Variants in COX7A2 observed in about 807,000 individuals in gnomAD.
COX7A2 encodes the protein cytochrome c oxidase subunit 7A2, also known as cytochrome c oxidase subunit 7A2, mitochondrial.
COX7A2 carries 11 observed loss-of-function variants against 11.6 expected under a neutral mutation model. The observed-to-expected ratio is 0.95, with a 90% CI of 0.60 to 1.57. The LOEUF is 1.57. COX7A2 is among the 40% of genes most tolerant of loss of function. The probability of loss-of-function intolerance (pLI) is 0.00; values close to 1 mark genes in which losing one functional copy is unlikely to be tolerated. For missense variants in COX7A2, 106 were observed against 100.9 expected, an observed-to-expected ratio of 1.05 and a Z score of -0.22; for synonymous variants, 30 against 38.2, an observed-to-expected ratio of 0.78 and a Z score of 0.79.
At chr6:75,247,134 T>C (rs980046383), upstream of COX7A2, among the ~76,000 whole-genome samples, 1 of 152,208 alleles carries the variant, frequency 6.6e-6, no homozygotes, top group Non-Finnish European at 1.5e-5. Flanking sequence ...AAGATGGACA[T>C]CAGATGCGAA....
intron 2 of COX7A2, chr6:75,240,750 G>C (rs1191770371): frequency 2.2e-5 from 2 of 89,666 alleles, no homozygotes; most frequent in African/African-American, 8.4e-5. Flanking sequence ...TTTAGTCATA[G>C]GAAACTTTTT....
At chr6:75,247,916 C>T (rs182436803), upstream of COX7A2, among the ~76,000 whole-genome samples, 4 of 152,162 alleles carry the variant, frequency 2.6e-5, no homozygotes, top group South Asian at 4.1e-4. Context: ...GGGAAAAATC[C>T]GCATTCTATA....
intron 1 of COX7A2, among the ~76,000 whole-genome samples, chr6:75,242,519 A>T (rs1353508798): frequency 6.6e-6 from 1 of 151,808 alleles, no homozygotes; most frequent in Non-Finnish European, 1.5e-5. Context: ...AAATAAAAAT[A>T]AAAAATAAAA....
At position 75,238,347 on chromosome 6, in the gene COX7A2, TC is replaced by T. The variant is rs140371461; in HGVS notation, c.194-360del. 9.1e-4 allele frequency among the ~76,000 whole-genome samples: 138 copies of T among 151,950 alleles called. 2 individuals are homozygous for T. In the East Asian group the frequency reaches 0.026, roughly 29 times the overall value. Reference sequence around the variant, plus strand: ...AAAAGAGTTCAAAATATGCAAGCCTTCCCTAAAGTGAATGTAAAAAAAAAGA... The same window carrying T: ...AAAAGAGTTCAAAATATGCAAGCCTTCCTAAAGTGAATGTAAAAAAAAAGA... On this transcript the variant is annotated intron_variant, in intron 3 of 3. Transcript: ENST00000684430.
chr6:75,239,179 T>G (rs778836536), intron 3 of COX7A2, among the ~76,000 whole-genome samples: 105 of 152,242 alleles, frequency 6.9e-4, no homozygotes, highest in Non-Finnish European at 6.8e-4. Context: ...AACCCCAACT[T>G]AAAGCCAGTC....
chr6:75,244,399 G>T (rs887843131), upstream of COX7A2, among the ~76,000 whole-genome samples: 9 of 152,172 alleles, frequency 5.9e-5, no homozygotes, highest in Non-Finnish European at 1.2e-4. Context: ...TGTGGAAGAG[G>T]CTCGCTCGCT....
At chr6:75,238,298 A>G (rs1178345630) in intron 3 of COX7A2, among the ~76,000 whole-genome samples, 3 of 152,134 alleles carry the variant, frequency 2.0e-5, no homozygotes, top group Non-Finnish European at 4.4e-5. Context: ...GAGAAATGCT[A>G]AGGATGATTA....
upstream of COX7A2, among the ~76,000 whole-genome samples, chr6:75,247,142 G>C (rs181578205): frequency 6.6e-6 from 1 of 152,194 alleles, no homozygotes; most frequent in Non-Finnish European, 1.5e-5. Flanking sequence ...CATCAGATGC[G>C]AAAGTACTAA....
At chr6:75,242,663 T>C (rs1443800606) in intron 1 of COX7A2, among the ~76,000 whole-genome samples, 1 of 151,422 alleles carries the variant, frequency 6.6e-6, no homozygotes, top group Non-Finnish European at 1.5e-5. Flanking sequence ...CTATTAATAA[T>C]ACAAAAATTA....
At chr6:75,243,854 C>T (rs376865645), upstream of COX7A2, 46 of 1,606,274 alleles carry the variant, frequency 2.9e-5, no homozygotes, top group East Asian at 4.5e-5. Context: ...TCTTTCCGGG[C>T]CGAAGAGAGG....
At chr6:75,246,210 C>G (rs148627773), upstream of COX7A2, among the ~76,000 whole-genome samples, 1 of 152,354 alleles carries the variant, frequency 6.6e-6, no homozygotes, top group East Asian at 1.9e-4. Context: ...ACATCTCCAC[C>G]TAGATGGCTA....
At chr6:75,244,548 C>CAGAAA (rs1771638890), upstream of COX7A2, among the ~76,000 whole-genome samples, 2 of 152,092 alleles carry the variant, frequency 1.3e-5, no homozygotes, top group Non-Finnish European at 2.9e-5. Flanking sequence ...GAAAGGCTGT[C>CAGAAA]GGTGTCATCC....
chr6:75,248,695 G>A (rs1318851113), upstream of COX7A2, among the ~76,000 whole-genome samples: 3 of 123,326 alleles, frequency 2.4e-5, no homozygotes, highest in African/African-American at 8.7e-5. Flanking sequence ...ATATTTTATA[G>A]AGTTTGACTC....
chr6:75,242,344 A>G (rs1290555983), intron 1 of COX7A2, among the ~76,000 whole-genome samples: 5 of 152,052 alleles, frequency 3.3e-5, no homozygotes, highest in Non-Finnish European at 7.4e-5. Flanking sequence ...CGTCTCTACT[A>G]GAAACACAAA....
chr6:75,245,683 C>T (rs1038429030), upstream of COX7A2, among the ~76,000 whole-genome samples: 7 of 152,064 alleles, frequency 4.6e-5, no homozygotes, highest in Non-Finnish European at 1.0e-4. Context: ...TTATACTTGT[C>T]TCTCCTTCTC....
At chr6:75,250,040 AG>A (rs11300567) in intron 1 of COX7A2, 134,328 of 152,192 alleles carry the variant, frequency 0.88, 59,847 homozygotes, top group Non-Finnish European at 0.95. Flanking sequence ...GAAGAGAGCT[AG>A]GGTTTCTGGC....
At chr6:75,239,572 G>A (rs1771426295) in intron 3 of COX7A2, among the ~76,000 whole-genome samples, 1 of 152,198 alleles carries the variant, frequency 6.6e-6, no homozygotes, top group South Asian at 2.1e-4. Context: ...ACCTTCCAGT[G>A]GAAGTATTGT....
At chr6:75,241,369 G>T in intron 1 of COX7A2, 104 bp from the exon 2 acceptor site, 1 of 1,032,656 alleles carries the variant, frequency 9.7e-7, no homozygotes, top group Non-Finnish European at 1.3e-6. Flanking sequence ...GAGACTTGAA[G>T]CATATCTGAT....
chr6:75,243,652 T>C, intron 1 of COX7A2, 65 bp downstream of exon 1: 1 of 1,503,016 alleles, frequency 6.7e-7, no homozygotes, highest in Non-Finnish European at 9.2e-7. Context: ...TTTTCTGTCG[T>C]GGTGCCTCAG....
Sources: allele counts gnomAD v4.1 joint callset (sites outside exome capture counted in the v4.1 genomes callset), GRCh38; gene constraint gnomAD v4.1.1; transcripts MANE v1.5; gene names NCBI Gene and HGNC (gene_info 2026-07-23, HGNC 2026-07-21).